The following BMP2K variants were observed in gnomAD, a reference collection of about 807,000 sequenced individuals.
BMP2K encodes the protein BMP2 inducible kinase, also known as BMP-2-inducible protein kinase.
BMP2K carries 74 observed loss-of-function variants against 116.0 expected under a neutral mutation model. The observed-to-expected ratio is 0.64, with a 90% CI of 0.53 to 0.77. The LOEUF (loss-of-function observed/expected upper bound fraction) is 0.77. BMP2K is among the 30% of genes least tolerant of loss of function. BMP2K has a pLI of 0.00. For synonymous variants in BMP2K, 486 were observed against 502.5 expected, an observed-to-expected ratio of 0.97 and a Z score of 0.44; for missense variants, 1,365 against 1,403.6, an observed-to-expected ratio of 0.97 and a Z score of 0.44.
chr4:78,859,589 A>T lies in BMP2K; in HGVS notation c.889A>T (p.Met297Leu). The T allele has an allele frequency of 6.2e-7, 1 of 1,606,274 alleles. No individual in the cohort carries two copies. Among genetic ancestry groups the T allele is most frequent in the Non-Finnish European group, 8.5e-7 (1 of 1,176,242 alleles). ...ATTTTGATCTATTCTTGCAGGGTTC[A>T]TGCTTGAACCAGATCCGGAACATAG... is the stretch of plus-strand genomic sequence containing the variant. ...SRNIHCLIRF[M>L]LEPDPEHRPD... Residue 297 changes from methionine (M) to leucine (L), a missense_variant, in exon 8 of 16, where the codon ATG (methionine) becomes TTG (leucine). Physicochemically the swap from Met to Leu is conservative, Grantham distance 15. Transcript: ENST00000502613.
rs1365982653 is a variant in BMP2K at position 78,912,881 on chromosome 4, C to T, written c.*848C>T. 2 of 152,120 alleles carry T rather than the reference C, an allele frequency of 1.3e-5. No homozygotes were observed. The highest frequency in any genetic ancestry group is 2.9e-5 in the Non-Finnish European group (2 of 68,012). 9.4% of individuals were successfully genotyped at this position (152,120 alleles called of 1,614,324 possible). ...AAAAAGATACAGAACAGAAAACATT[C>T]ACTACTTTAGAAACACTTTATGCAT... is the stretch of plus-strand genomic sequence containing the variant. On this transcript the variant is annotated 3_prime_UTR_variant, in exon 16 of 16. Transcript: ENST00000502613.
At chr4:78,784,608 A>G (rs969770966) in intron 1 of BMP2K, among the ~76,000 whole-genome samples, 2 of 152,200 alleles carry the variant, frequency 1.3e-5, no homozygotes, top group Non-Finnish European at 2.9e-5. Context: ...TTCTACAGAG[A>G]GACTTTGTTT....
intron 1 of BMP2K, among the ~76,000 whole-genome samples, chr4:78,817,253 A>C (rs1729394955): frequency 6.6e-6 from 1 of 152,190 alleles, no homozygotes; most frequent in South Asian, 2.1e-4. Flanking sequence ...CTGACACTTA[A>C]CTGTTCAGAG....
At chr4:78,822,878 T>A (rs1415194103) in intron 1 of BMP2K, among the ~76,000 whole-genome samples, 1 of 152,134 alleles carries the variant, frequency 6.6e-6, no homozygotes, top group East Asian at 1.9e-4. Flanking sequence ...ACTTAAGAAT[T>A]TGATAAGCTA....
rs1450685490 is a variant in BMP2K, at chr4:78,789,252, A to T, written c.178+12531A>T. Among the ~76,000 whole-genome samples, 5 of 152,234 alleles carry T rather than the reference A, an allele frequency of 3.3e-5. No homozygotes were observed. In the East Asian group the frequency reaches 9.6e-4, roughly 29 times the overall value. ...TAATGAATGAACCCAAAGTCACATTATTAGTGTTGATTGTGGAGAGTAGAA... is the reference window on the plus strand; with the variant it reads ...TAATGAATGAACCCAAAGTCACATTTTTAGTGTTGATTGTGGAGAGTAGAA... On this transcript the variant is annotated intron_variant, in intron 1 of 15. Coordinates refer to ENST00000502613, the MANE Select transcript of BMP2K (RefSeq NM_198892.2).
rs146678444 is a variant in BMP2K at position 78,783,028 on chromosome 4, T to C, written c.178+6307T>C. Reference sequence around the variant, plus strand: ...TGCCAAATCTCTTCATAACTATGAGTGAACTTTTAAGTTCCGATTTGGTTA... The same window carrying C: ...TGCCAAATCTCTTCATAACTATGAGCGAACTTTTAAGTTCCGATTTGGTTA... On this transcript the variant is annotated intron_variant, in intron 1 of 15. Coordinates refer to ENST00000502613, the MANE Select transcript of BMP2K (RefSeq NM_198892.2). Among the ~76,000 whole-genome samples, 8 of 152,362 alleles carry C rather than the reference T, an allele frequency of 5.3e-5. No individual in the cohort carries two copies. The East Asian group carries it at 1.5e-3, about 29-fold the overall frequency.
At chr4:78,888,539 C>T (rs1438971790) in intron 15 of BMP2K, among the ~76,000 whole-genome samples, 1 of 152,070 alleles carries the variant, frequency 6.6e-6, no homozygotes, top group African/African-American at 2.4e-5. Context: ...TTTGCATGGA[C>T]CTATACAACT....
Position 78,870,773 on chromosome 4 carries a change from C to T in BMP2K, c.1232-10C>T. The T allele has an allele frequency of 1.2e-6, 2 of 1,608,016 alleles. No individual in the cohort carries two copies. The highest frequency in any genetic ancestry group is 1.7e-5 in the Admixed American group (1 of 59,606). ...AGTATGTTAATGTAAGTGTTTGGAC[C>T]TGTCTTTAGGGGCACTAAGACCTGG... is the stretch of plus-strand genomic sequence containing the variant. On this transcript the variant is annotated splice_polypyrimidine_tract_variant and intron_variant, in intron 10 of 15. Transcript: ENST00000502613.
intron 1 of BMP2K, among the ~76,000 whole-genome samples, chr4:78,797,202 T>C: frequency 6.6e-6 from 1 of 152,214 alleles, no homozygotes; most frequent in East Asian, 1.9e-4. Flanking sequence ...TTAGTACATC[T>C]GGGTAGGGCC....
chr4:78,813,665 A>G lies in BMP2K; in HGVS notation c.179-12372A>G, dbSNP rs369820857. Among the ~76,000 whole-genome samples the G allele has an allele frequency of 5.3e-5, 8 of 152,156 alleles. No individual in the cohort carries two copies. In the South Asian group the frequency reaches 8.3e-4, roughly 16 times the overall value. On this transcript the variant is annotated intron_variant, in intron 1 of 15. Transcript: ENST00000502613. ...ACTTGCCTCGAGGTCTGCATGGCCC[A>G]TTCCCTCACTTTCTTCCTATCTTTA...
intron 1 of BMP2K, among the ~76,000 whole-genome samples, chr4:78,782,003 T>G (rs138291810): frequency 5.1e-4 from 77 of 152,330 alleles, no homozygotes; most frequent in Non-Finnish European, 8.5e-4. Context: ...TGATCACATT[T>G]TTTCGCCTGG....
chr4:78,862,726 C>G (rs181972468), intron 9 of BMP2K, among the ~76,000 whole-genome samples: 1 of 152,062 alleles, frequency 6.6e-6, no homozygotes, highest in Non-Finnish European at 1.5e-5. Flanking sequence ...GTTAAAATTT[C>G]ATTTGCGAAT....
At chr4:78,845,193 A>G (rs1203164949) in intron 5 of BMP2K, 144 bp downstream of exon 5, 1 of 750,398 alleles carries the variant, frequency 1.3e-6, no homozygotes, top group Non-Finnish European at 2.1e-6. Context: ...TGATTAATTC[A>G]TGTCTGATCT....
intron 13 of BMP2K, among the ~76,000 whole-genome samples, chr4:78,873,765 G>A (rs1406049224): frequency 6.6e-6 from 1 of 152,062 alleles, no homozygotes; most frequent in Non-Finnish European, 1.5e-5. Context: ...GGGTATGGTA[G>A]AGAGGGAGAC....
intron 3 of BMP2K, among the ~76,000 whole-genome samples, chr4:78,837,139 C>T (rs1022734468): frequency 3.3e-5 from 5 of 151,598 alleles, no homozygotes. Flanking sequence ...TATCTTTTAG[C>T]TCTTCTATAG....
chr4:78,841,615 G>C (rs1450843382), intron 3 of BMP2K, among the ~76,000 whole-genome samples: 1 of 152,066 alleles, frequency 6.6e-6, no homozygotes, highest in Non-Finnish European at 1.5e-5. Flanking sequence ...TGGCTCTTGA[G>C]ATAGAATTTA....
chr4:78,845,506 A>C (rs1221873408), intron 5 of BMP2K, among the ~76,000 whole-genome samples: 1 of 151,612 alleles, frequency 6.6e-6, no homozygotes, highest in East Asian at 1.9e-4. Context: ...CTGCATCATC[A>C]CTGTTACTTT....
At chr4:78,817,635 T>C (rs1305811665) in intron 1 of BMP2K, among the ~76,000 whole-genome samples, 2 of 152,052 alleles carry the variant, frequency 1.3e-5, no homozygotes, top group Non-Finnish European at 2.9e-5. Context: ...TTTATTGAGG[T>C]CTCACAAAAG....
chr4:78,912,014 C>A lies in BMP2K; in HGVS notation c.3467C>A (p.Pro1156Gln). ...PVELDPFGAA[P>Q]FPSKQ ...GAATTAGACCCATTTGGTGCTGCTC[C>A]ATTTCCTTCTAAACAGTAGATACTT... Residue 1156 changes from proline to glutamine, a missense_variant, in exon 16 of 16, where the codon CCA (proline) becomes CAA (glutamine). Around this residue, in one of 3 missense-constraint regions of BMP2K, gnomAD observed 596 missense variants for 623.2 expected, o/e 0.96. Transcript: ENST00000502613. 1 of 1,610,976 alleles carries A rather than the reference C, an allele frequency of 6.2e-7. No individual in the cohort carries two copies. Among genetic ancestry groups the A allele is most frequent in the South Asian group, 1.1e-5 (1 of 90,662 alleles).
Sources: gnomAD v4.1 joint callset for allele counts (sites outside exome capture counted in the v4.1 genomes callset) on GRCh38, gnomAD v4.1.1 for gene constraint, gnomAD v4.1.1 regional missense constraint, MANE v1.5 for transcripts, NCBI Gene and HGNC (gene_info 2026-07-23, HGNC 2026-07-21) for gene names.